Variants in CCDC192 observed in about 807,000 individuals in gnomAD.
The protein encoded by CCDC192 is coiled-coil domain containing 192.
intron 3 of CCDC192, chr5:127,785,402 C>A: frequency 2.5e-6 from 1 of 403,348 alleles, no homozygotes; most frequent in South Asian, 2.1e-5. Context: ...GATCTTTGCT[C>A]ACACCAGTGT....
At chr5:127,910,988 CAACT>C (rs756660295) in intron 6 of CCDC192, among the ~76,000 whole-genome samples, 6 of 151,990 alleles carry the variant, frequency 3.9e-5, no homozygotes, top group Non-Finnish European at 1.5e-5. Context: ...TTATATTAAC[CAACT>C]GAGATGTTTA....
chr5:127,734,957 T>G (rs1250515943), intron 2 of CCDC192, among the ~76,000 whole-genome samples: 1 of 147,518 alleles, frequency 6.8e-6, no homozygotes, highest in Admixed American at 6.8e-5. Context: ...CAATTTTGTC[T>G]TTTGTTGCCA....
At chr5:127,869,866 T>C (rs1384462297) in intron 5 of CCDC192, among the ~76,000 whole-genome samples, 1 of 152,038 alleles carries the variant, frequency 6.6e-6, no homozygotes, top group Non-Finnish European at 1.5e-5. Flanking sequence ...ATAAGATGAG[T>C]TGGGACTCAG....
chr5:127,743,881 G>T (rs1433648053), intron 2 of CCDC192, among the ~76,000 whole-genome samples: 2 of 152,008 alleles, frequency 1.3e-5, no homozygotes, highest in Non-Finnish European at 2.9e-5. Context: ...ACGAGGTCGG[G>T]AGATCGAGAC....
intron 6 of CCDC192, among the ~76,000 whole-genome samples, chr5:127,900,735 T>G (rs999363234): frequency 6.6e-6 from 1 of 152,222 alleles, no homozygotes; most frequent in Non-Finnish European, 1.5e-5. Context: ...ACCTCATGGA[T>G]AGAGTGGCTT....
intron 6 of CCDC192, among the ~76,000 whole-genome samples, chr5:127,889,550 C>T (rs943013375): frequency 8.5e-5 from 13 of 152,056 alleles, no homozygotes; most frequent in Admixed American, 3.3e-4. Flanking sequence ...TACAGGAGCT[C>T]GCCACCACGC....
intron 2 of CCDC192, among the ~76,000 whole-genome samples, chr5:127,724,657 T>C (rs1221950810): frequency 6.6e-6 from 1 of 152,166 alleles, no homozygotes; most frequent in African/African-American, 2.4e-5. Context: ...AAGATCATCC[T>C]GGCCAACATG....
intron 2 of CCDC192, among the ~76,000 whole-genome samples, chr5:127,749,981 G>T (rs1276697074): frequency 6.6e-6 from 1 of 151,704 alleles, no homozygotes; most frequent in African/African-American, 2.4e-5. Flanking sequence ...ATTTTTTATT[G>T]TGTCTATTTG....
chr5:127,874,195 C>T (rs1274267511), intron 5 of CCDC192, among the ~76,000 whole-genome samples: 1 of 152,212 alleles, frequency 6.6e-6, no homozygotes, highest in African/African-American at 2.4e-5. Flanking sequence ...TACCTCTCAC[C>T]TGGATTGTGC....
intron 2 of CCDC192, among the ~76,000 whole-genome samples, chr5:127,752,497 G>A (rs1365437116): frequency 9.2e-5 from 14 of 152,348 alleles, no homozygotes; most frequent in African/African-American, 2.9e-4. Context: ...TGTACTGGAA[G>A]AACCACTGCT....
chr5:127,911,557 T>C lies in CCDC192; in HGVS notation c.536-29625T>C, dbSNP rs118033039. Among the ~76,000 whole-genome samples, 56 of 152,300 alleles carry C rather than the reference T, an allele frequency of 3.7e-4. No homozygotes were observed. The East Asian group carries it at 9.6e-3, about 26-fold the overall frequency. On this transcript the variant is annotated intron_variant, in intron 6 of 6. Transcript: ENST00000514853. ...CACTCTATAATTTAGATATATTTAT[T>C]GATAGATATAGATATACAAAGAGAC...
intron 5 of CCDC192, among the ~76,000 whole-genome samples, chr5:127,825,568 G>GGC (rs1460614423): frequency 2.0e-5 from 3 of 152,182 alleles, no homozygotes; most frequent in Non-Finnish European, 4.4e-5. Flanking sequence ...TGACACTTGG[G>GGC]TTTTCCAGAA....
At chr5:127,823,074 G>A (rs113569511) in intron 5 of CCDC192, among the ~76,000 whole-genome samples, 3,068 of 152,236 alleles carry the variant, frequency 0.02, 112 homozygotes, top group African/African-American at 0.071. Context: ...GCTCTGCATC[G>A]CAAGAGGTCA....
At chr5:127,766,631 AAAAGT>A (rs77173383) in intron 3 of CCDC192, among the ~76,000 whole-genome samples, 1 of 150,328 alleles carries the variant, frequency 6.7e-6, no homozygotes. Context: ...AAAAAAAAAA[AAAAGT>A]ACGAACTCTA....
At chr5:127,787,094 G>A (rs1756583324) in intron 3 of CCDC192, 2 of 244,356 alleles carry the variant, frequency 8.2e-6, no homozygotes, top group Admixed American at 8.1e-5. Context: ...TCAAAGTTCA[G>A]CTAGTTCTCC....
upstream of CCDC192, among the ~76,000 whole-genome samples, chr5:127,702,401 A>C (rs895663191): frequency 1.3e-5 from 2 of 152,178 alleles, no homozygotes; most frequent in African/African-American, 4.8e-5. Context: ...TGGCTTTTCT[A>C]TCCAGAACAA....
At position 127,739,003 on chromosome 5, in the gene CCDC192, G is replaced by A. The variant is rs1017760116; in HGVS notation, c.115-15265G>A. On this transcript the variant is annotated intron_variant, in intron 2 of 6. Transcript: ENST00000514853. Reference sequence around the variant, plus strand: ...GTGTTCCTTTGGAGGAGGAGGAGGCGCTCTGCTTTTTAGAGTTTCCAGTTT... The same window carrying A: ...GTGTTCCTTTGGAGGAGGAGGAGGCACTCTGCTTTTTAGAGTTTCCAGTTT... 1.7e-4 allele frequency among the ~76,000 whole-genome samples: 26 copies of A among 152,144 alleles called. No homozygotes were observed. In the South Asian group the frequency reaches 2.1e-3, roughly 12 times the overall value.
chr5:127,903,167 G>A (rs1016022774), intron 6 of CCDC192, among the ~76,000 whole-genome samples: 2 of 151,948 alleles, frequency 1.3e-5, no homozygotes, highest in Non-Finnish European at 2.9e-5. Flanking sequence ...TACATGGTTA[G>A]TAATCCCAGC....
intron 6 of CCDC192, among the ~76,000 whole-genome samples, chr5:127,891,414 C>A (rs762534487): frequency 3.9e-5 from 6 of 152,178 alleles, no homozygotes; most frequent in Admixed American, 1.3e-4. Flanking sequence ...GGATTCTTAT[C>A]TTTCATCTTT....
Sources: allele counts gnomAD v4.1 joint callset (sites outside exome capture counted in the v4.1 genomes callset), GRCh38; gene constraint gnomAD v4.1.1; transcripts MANE v1.5; gene names NCBI Gene and HGNC (gene_info 2026-07-23, HGNC 2026-07-21).